SP110: variants seen among roughly 807,000 people sequenced by gnomAD.
The protein encoded by SP110 is interferon-induced protein 41, 30kD.
A neutral mutation model predicts 92.7 loss-of-function variants in SP110; 62 were observed. The observed-to-expected ratio is 0.67, with a 90% confidence interval of 0.55 to 0.83. SP110 has a LOEUF of 0.83. SP110 is among the 40% of genes least tolerant of loss of function. SP110 has a pLI of 0.00. For missense variants in SP110, 793 were observed against 863.9 expected (o/e 0.92, Z 1.03); for synonymous variants, 273 against 305.3 (o/e 0.89, Z 1.10).
At chr2:230,195,769 T>C (rs886356364) in intron 10 of SP110, among the ~76,000 whole-genome samples, 51 of 152,084 alleles carry the variant, frequency 3.4e-4, no homozygotes, top group African/African-American at 1.2e-3. Flanking sequence ...TTTAAAAAAT[T>C]AAAAATATAC....
At chr2:230,209,807 C>T (rs569098109) in intron 7 of SP110, 124 bp downstream of exon 7, 30 of 733,388 alleles carry the variant, frequency 4.1e-5, no homozygotes, top group African/African-American at 2.1e-4. Flanking sequence ...ACTGCAGAAA[C>T]GAACTGTGTG....
chr2:230,212,559 T>C (rs1304379991), intron 4 of SP110, 129 bp from the exon 5 acceptor site: 30 of 1,035,978 alleles, frequency 2.9e-5, no homozygotes, highest in Non-Finnish European at 1.2e-5. Context: ...GTCCCGGGAG[T>C]GGGAAGCAGG....
chr2:230,221,579 A>G (rs1175787335), upstream of SP110: 2 of 970,414 alleles, frequency 2.1e-6, no homozygotes, highest in East Asian at 5.3e-5. Flanking sequence ...GAAAAATTCA[A>G]TGCTAACAGC....
At chr2:230,216,102 C>T (rs1021341184) in intron 2 of SP110, among the ~76,000 whole-genome samples, 2 of 152,190 alleles carry the variant, frequency 1.3e-5, no homozygotes, top group African/African-American at 2.4e-5. Context: ...GCCTGCCTGT[C>T]TCACATCAGA....
At chr2:230,208,170 A>G in intron 7 of SP110, 111 bp from the exon 8 acceptor site, 1 of 694,070 alleles carries the variant, frequency 1.4e-6, no homozygotes, top group Non-Finnish European at 2.6e-6. Context: ...CTAGAAGTTC[A>G]TTGGTGACCT....
At position 230,212,978 on chromosome 2, in the gene SP110, T is replaced by C; in HGVS notation, c.366A>G (p.Glu122=). Residue 122 remains glutamate, a synonymous_variant, in exon 4 of 19, where the codon GAA becomes GAG. Coordinates refer to ENST00000258381, the MANE Select transcript of SP110 (RefSeq NM_080424.4). ...TTCCTTCTGCTAGGCCAGTTGGGGC[T>C]TCAAGTAGGATTGGTGTGTCTCTGC... The part of the protein sequence containing the change: ...WQSRDTPILL[E]APTGLAEGSS... The C allele has an allele frequency of 5.0e-6, 8 of 1,614,028 alleles. No homozygotes were observed. The highest frequency in any genetic ancestry group is 6.8e-6 in the Non-Finnish European group (8 of 1,179,974).
chr2:230,225,457 C>T (rs2046206718), intron 1 of SP110: 3 of 333,032 alleles, frequency 9.0e-6, no homozygotes, highest in African/African-American at 2.2e-5. Flanking sequence ...GTCTGGTCTT[C>T]ACTTGTCCTT....
At position 230,172,923 on chromosome 2, in the gene SP110, C is replaced by A. The variant is rs758513207; in HGVS notation, c.1627G>T (p.Gly543Trp). Residue 543 changes from glycine to tryptophan, a missense_variant, in exon 15 of 19, where the codon GGG becomes TGG. Physicochemically the swap from Gly to Trp is radical, Grantham distance 184. Coordinates refer to ENST00000258381, the MANE Select transcript of SP110 (RefSeq NM_080424.4). ...NSDECEVCCQGGQLLCCGTCP... is the reference protein window; with the variant it reads ...NSDECEVCCQWGQLLCCGTCP... The stretch of plus-strand genomic sequence containing the variant: ...GTACCGCAGCAGAGAAGTTGTCCCC[C>A]TTGACAGCACACCTCGCATTCATCC... 8 of 1,614,022 alleles carry A rather than the reference C, an allele frequency of 5.0e-6. No homozygotes were observed. Among genetic ancestry groups the A allele is most frequent in the Non-Finnish European group, 5.9e-6 (7 of 1,179,986 alleles).
In SP110 at chr2:230,216,863, C is replaced by T. The variant is rs201743901; in HGVS notation, c.65G>A (p.Gly22Glu). The T allele has an allele frequency of 6.2e-7, 1 of 1,613,966 alleles. No individual in the cohort carries two copies. The highest frequency in any genetic ancestry group is 1.1e-5 in the South Asian group (1 of 91,068). Reference protein sequence around the residue: ...LFQHFMHQKLGIAYAIHKPFP... With the variant: ...LFQHFMHQKLEIAYAIHKPFP... ...TGGCTTGTGTATGGCATAGGCGATC[C>T]CCAGCTTCTGGTGCATGAAGTGCTG... The change falls in exon 2 of 19, where the codon GGG (glycine) becomes GAG (glutamate). Residue 22 changes from glycine to glutamate, a missense_variant. Coordinates refer to ENST00000258381, the MANE Select transcript of SP110 (RefSeq NM_080424.4).
At position 230,168,249 on chromosome 2, in the gene SP110, C is replaced by T. The variant is rs1406083600; in HGVS notation, c.*875G>A. 2 of 151,556 alleles carry T rather than the reference C, an allele frequency of 1.3e-5. No homozygotes were observed. The highest frequency in any genetic ancestry group is 2.9e-5 in the Non-Finnish European group (2 of 67,954). The allele number at this position is 151,556 out of a possible 1,614,324, so 9.4% of individuals were successfully genotyped here. ...ATTAAATTAAAAAATCCCTGGTTAC[C>T]TTTAGAGGATATTGGGACATCAATT... On this transcript the variant is annotated 3_prime_UTR_variant, in exon 19 of 19. Transcript: ENST00000258381.
chr2:230,179,358 T>C (rs2042020056), intron 12 of SP110, among the ~76,000 whole-genome samples: 1 of 151,358 alleles, frequency 6.6e-6, no homozygotes. Flanking sequence ...GAACTTACGG[T>C]GGGAAAAACT....
chr2:230,222,229 CA>C (rs1204772131), upstream of SP110, among the ~76,000 whole-genome samples: 17,337 of 77,222 alleles, frequency 0.22, 853 homozygotes, highest in Middle Eastern at 0.25. Context: ...GATCCCGCCT[CA>C]AAAAAAAAAA....
intron 7 of SP110, 76 bp downstream of exon 7, chr2:230,209,855 C>G (rs1289173387): frequency 5.7e-6 from 5 of 875,680 alleles, no homozygotes; most frequent in Admixed American, 1.7e-5. Flanking sequence ...GTGCTCTTGA[C>G]AAGATACAGT....
chr2:230,172,031 G>A (rs749266382), intron 16 of SP110, 35 bp downstream of exon 16: 1 of 1,292,726 alleles, frequency 7.7e-7, no homozygotes, highest in East Asian at 2.3e-5. Context: ...TGTGAGAAGG[G>A]AAAAGTATAG....
At position 230,186,052 on chromosome 2, in the gene SP110, C is replaced by T. The variant is rs1394869458; in HGVS notation, c.1221G>A (p.Glu407=). Reference sequence around the variant, plus strand: ...TTGCCTTTTGGACCCTCATCATGACCTCTGAGTTCCAGGTTGAGTCGTCTT... The same window carrying T: ...TTGCCTTTTGGACCCTCATCATGACTTCTGAGTTCCAGGTTGAGTCGTCTT... ...QRKDDSTWNS[E]VMMRVQKART... The change falls in exon 11 of 19, where the codon GAG becomes GAA. Residue 407 remains glutamate, a synonymous_variant. Transcript: ENST00000258381. 6.2e-7 allele frequency: 1 copy of T among 1,614,092 alleles called. No individual in the cohort carries two copies. The highest frequency in any genetic ancestry group is 1.3e-5 in the African/African-American group (1 of 75,010).
At position 230,168,768 on chromosome 2, in the gene SP110, T is replaced by G. The variant is rs539258772; in HGVS notation, c.*356A>C. 5.0e-6 allele frequency: 1 copy of G among 201,470 alleles called. No individual in the cohort carries two copies. The highest frequency in any genetic ancestry group is 1.0e-5 in the Non-Finnish European group (1 of 96,398). 12.5% of individuals were successfully genotyped at this position (201,470 alleles called of 1,614,324 possible). ...AATAAATACATGACAATTTATAGCT[T>G]AAAAGAGACATAGGGACAGGAGAGC... is the stretch of plus-strand genomic sequence containing the variant. On this transcript the variant is annotated 3_prime_UTR_variant, in exon 19 of 19. Transcript: ENST00000258381.
At position 230,217,621 on chromosome 2, in the gene SP110, G is replaced by A. The variant is rs144263212; in HGVS notation, c.-1-693C>T. On this transcript the variant is annotated intron_variant, in intron 1 of 18. Transcript: ENST00000258381. ...CGAGGTGGTTCCTATGACTGCACCT[G>A]TTTATACTGTTGAGGAACTGAGACA... 1.2e-4 allele frequency among the ~76,000 whole-genome samples: 18 copies of A among 152,312 alleles called. No individual in the cohort carries two copies. The East Asian group carries it at 3.5e-3, about 29-fold the overall frequency.
chr2:230,215,005 T>G lies in SP110; in HGVS notation c.261A>C (p.Gln87His). 1 of 1,614,056 alleles carries G rather than the reference T, an allele frequency of 6.2e-7. No homozygotes were observed. The highest frequency in any genetic ancestry group is 8.5e-7 in the Non-Finnish European group (1 of 1,179,884). ...GATTGGGATATTCACGCAGGTTAAT[T>G]TGACTGAACAATGTCACCAGAAGAG... ...NLSLLVTLFS[Q>H]INLREYPNLV... The change falls in exon 3 of 19, where the codon CAA becomes CAC. Residue 87 changes from glutamine (Q) to histidine (H), a missense_variant. Transcript: ENST00000258381.
intron 3 of SP110, chr2:230,214,010 C>A (rs972910284): frequency 1.1e-4 from 17 of 152,244 alleles, no homozygotes; most frequent in African/African-American, 4.1e-4. Flanking sequence ...GAACTGTCAA[C>A]AATGGTGATT....
Sources: gnomAD v4.1 joint callset for allele counts (sites outside exome capture counted in the v4.1 genomes callset) on GRCh38, gnomAD v4.1.1 for gene constraint, MANE v1.5 for transcripts, NCBI Gene and HGNC (gene_info 2026-07-23, HGNC 2026-07-21) for gene names.